Variants in XYLT1 observed in about 807,000 individuals in gnomAD.
XYLT1 encodes the protein xylosyltransferase 1.
A neutral mutation model predicts 91.3 loss-of-function variants in XYLT1; 36 were observed. The ratio of observed to expected loss-of-function variants is 0.39; its 90% confidence interval spans 0.30 to 0.52. The LOEUF (loss-of-function observed/expected upper bound fraction) is 0.52. XYLT1 is among the 20% of genes least tolerant of loss of function. XYLT1 has a pLI of 0.68. For missense variants in XYLT1, 1,242 were observed against 1,284.5 expected (o/e 0.97, Z 0.51); for synonymous variants, 588 against 532.0 (o/e 1.11, Z -1.45).
Position 17,284,100 on chromosome 16 carries a change from C to T in XYLT1, c.403-24602G>A, listed in dbSNP as rs559924314. Among the ~76,000 whole-genome samples, 7 of 152,302 alleles carry T rather than the reference C, an allele frequency of 4.6e-5. No individual in the cohort carries two copies. The East Asian group carries it at 9.7e-4, about 21-fold the overall frequency. On this transcript the variant is annotated intron_variant, in intron 2 of 11. Coordinates refer to ENST00000261381, the MANE Select transcript of XYLT1 (RefSeq NM_022166.4). ...GTGACCTTGGGCAAGTTACTTCTGACATTTCTAAGCCTCAGTTTCTTCATC... is the reference window on the plus strand; with the variant it reads ...GTGACCTTGGGCAAGTTACTTCTGATATTTCTAAGCCTCAGTTTCTTCATC...
chr16:17,247,717 T>G (rs1367110285), intron 3 of XYLT1, among the ~76,000 whole-genome samples: 1 of 152,144 alleles, frequency 6.6e-6, no homozygotes, highest in African/African-American at 2.4e-5. Context: ...AGGCTTCTCC[T>G]AATCCAGGGT....
intron 3 of XYLT1, among the ~76,000 whole-genome samples, chr16:17,243,233 G>A (rs2033375433): frequency 1.3e-5 from 2 of 152,150 alleles, no homozygotes; most frequent in Non-Finnish European, 2.9e-5. Context: ...TACAAGGTGA[G>A]AACTATTAAG....
intron 6 of XYLT1, among the ~76,000 whole-genome samples, chr16:17,147,433 G>C (rs1440750396): frequency 6.6e-6 from 1 of 152,160 alleles, no homozygotes; most frequent in Non-Finnish European, 1.5e-5. Flanking sequence ...CATTATATGG[G>C]ATAATAGCAT....
intron 6 of XYLT1, among the ~76,000 whole-genome samples, chr16:17,152,477 G>A (rs2031305357): frequency 6.6e-6 from 1 of 152,250 alleles, no homozygotes; most frequent in African/African-American, 2.4e-5. Flanking sequence ...CCTTGCATCA[G>A]TCATGGAGCT....
At chr16:17,192,092 CTTTTTTTTTTT>C (rs550488299) in intron 5 of XYLT1, among the ~76,000 whole-genome samples, 17 of 126,784 alleles carry the variant, frequency 1.3e-4, no homozygotes, top group Non-Finnish European at 2.0e-4. Flanking sequence ...CTCTCTCTCT[CTTTTTTTTTTT>C]TTTTTTTTTT....
chr16:17,290,911 T>C (rs1408933274), intron 2 of XYLT1, among the ~76,000 whole-genome samples: 1 of 152,232 alleles, frequency 6.6e-6, no homozygotes, highest in Non-Finnish European at 1.5e-5. Flanking sequence ...CTGATCCTCC[T>C]CAGGCCACCT....
At position 17,108,989 on chromosome 16, in the gene XYLT1, G is replaced by C; in HGVS notation, c.2586C>G (p.Pro862=). Residue 862 remains proline, a synonymous_variant, in exon 12 of 12, where the codon CCC becomes CCG. Transcript: ENST00000261381. ...TCTGCTCCATGTAGGCATTGCGGAG[G>C]GGCCCATTGTGCAGCTTCAGTGCCT... ...PEEALKLHNG[P]LRNAYMEQSF... 3 of 1,541,986 alleles carry C rather than the reference G, an allele frequency of 1.9e-6. No individual in the cohort carries two copies. The highest frequency in any genetic ancestry group is 2.6e-6 in the Non-Finnish European group (3 of 1,137,536).
chr16:17,217,671 G>T (rs921311650), intron 3 of XYLT1, among the ~76,000 whole-genome samples: 1 of 152,204 alleles, frequency 6.6e-6, no homozygotes, highest in African/African-American at 2.4e-5. Context: ...TGTATTCAAG[G>T]AGCTGACAGT....
chr16:17,221,186 G>A (rs2032960832), intron 3 of XYLT1, among the ~76,000 whole-genome samples: 1 of 152,012 alleles, frequency 6.6e-6, no homozygotes, highest in African/African-American at 2.4e-5. Context: ...ACAGAACCAT[G>A]TCCTATAGTC....
intron 1 of XYLT1, among the ~76,000 whole-genome samples, chr16:17,383,953 G>C (rs1023943810): frequency 2.6e-5 from 4 of 151,730 alleles, no homozygotes; most frequent in African/African-American, 9.7e-5. Context: ...TCGCCATGTG[G>C]GCCAGGCTGG....
intron 3 of XYLT1, among the ~76,000 whole-genome samples, chr16:17,222,561 G>A (rs2032987864): frequency 6.6e-6 from 1 of 152,100 alleles, no homozygotes; most frequent in Non-Finnish European, 1.5e-5. Context: ...AGGTGGAGGC[G>A]GGTGGATCAC....
intron 1 of XYLT1, among the ~76,000 whole-genome samples, chr16:17,456,012 A>T (rs1035675213): frequency 1.3e-5 from 2 of 152,208 alleles, no homozygotes; most frequent in African/African-American, 4.8e-5. Context: ...TTATTTTAAT[A>T]CAAATCAGCA....
chr16:17,422,415 T>C (rs1344307503), intron 1 of XYLT1, among the ~76,000 whole-genome samples: 3 of 152,130 alleles, frequency 2.0e-5, no homozygotes, highest in African/African-American at 7.2e-5. Flanking sequence ...CCCAAGCTGG[T>C]CTCAAACCCC....
intron 5 of XYLT1, among the ~76,000 whole-genome samples, chr16:17,196,392 T>C (rs1028311304): frequency 2.6e-5 from 4 of 152,234 alleles, no homozygotes; most frequent in Admixed American, 6.5e-5. Flanking sequence ...AAAAGAGATC[T>C]TATCTTTTCT....
At chr16:17,287,107 T>C (rs1376482698) in intron 2 of XYLT1, among the ~76,000 whole-genome samples, 2 of 152,124 alleles carry the variant, frequency 1.3e-5, no homozygotes, top group Non-Finnish European at 2.9e-5. Context: ...AACTCCCTCC[T>C]GTAGTTATAT....
intron 3 of XYLT1, among the ~76,000 whole-genome samples, chr16:17,236,735 CT>C (rs984827534): frequency 2.0e-5 from 3 of 152,162 alleles, no homozygotes; most frequent in African/African-American, 7.2e-5. Context: ...GTTCCTTGGC[CT>C]TGAGATGCAT....
At position 17,170,941 on chromosome 16, in the gene XYLT1, C is replaced by A. The variant is rs115959157; in HGVS notation, c.1290-12032G>T. ...GCAGGTCATTTTTAGCTAGTCGATG[C>A]TCAATTTTGTCATTTTTAAAATTGA... On this transcript the variant is annotated intron_variant, in intron 5 of 11. Coordinates refer to ENST00000261381, the MANE Select transcript of XYLT1 (RefSeq NM_022166.4). Among the ~76,000 whole-genome samples, 380 of 152,214 alleles carry A rather than the reference C, an allele frequency of 2.5e-3. 2 individuals carry two copies. Among genetic ancestry groups the A allele is most frequent in the African/African-American group, 8.9e-3 (371 of 41,522 alleles).
At chr16:17,441,941 G>A (rs1446728111) in intron 1 of XYLT1, among the ~76,000 whole-genome samples, 1 of 152,094 alleles carries the variant, frequency 6.6e-6, no homozygotes, top group Non-Finnish European at 1.5e-5. Flanking sequence ...TGGCCACAGA[G>A]TACCCAGATA....
chr16:17,365,100 C>T (rs760917083), intron 1 of XYLT1, among the ~76,000 whole-genome samples: 1 of 152,210 alleles, frequency 6.6e-6, no homozygotes. Context: ...GGTGTTCACG[C>T]TCTGCACCCC....
Sources: allele counts gnomAD v4.1 joint callset (sites outside exome capture counted in the v4.1 genomes callset), GRCh38; gene constraint gnomAD v4.1.1; transcripts MANE v1.5; gene names NCBI Gene and HGNC (gene_info 2026-07-23, HGNC 2026-07-21).